The following CPA6 variants were observed in gnomAD, a reference collection of about 807,000 sequenced individuals.
CPA6 encodes carboxypeptidase B.
In CPA6, 58 loss-of-function variants were observed where a neutral mutation model predicts 63.3. That is an observed-to-expected ratio of 0.92 (90% CI 0.74 to 1.14). CPA6 has a LOEUF of 1.14. Ranked by LOEUF, CPA6 falls within the 50% of genes most tolerant of loss-of-function variation. CPA6 has a pLI of 0.00. For missense variants in CPA6, 565 were observed against 526.6 expected, an observed-to-expected ratio of 1.07 and a Z score of -0.71; for synonymous variants, 185 against 179.0, an observed-to-expected ratio of 1.03 and a Z score of -0.27.
chr8:67,626,169 C>T lies in CPA6; in HGVS notation c.117-1918G>A, dbSNP rs550944517. On this transcript the variant is annotated intron_variant, in intron 1 of 10. Transcript: ENST00000297770. ...GTGAGTTGATTAAATCTATTTTCTT[C>T]ATAAATTACCCAGTCTCAGGTATTT... Among the ~76,000 whole-genome samples the T allele has an allele frequency of 3.9e-5, 6 of 152,304 alleles. No homozygotes were observed. The East Asian group carries it at 1.2e-3, about 29-fold the overall frequency.
At chr8:67,575,403 T>C (rs987817279) in intron 2 of CPA6, among the ~76,000 whole-genome samples, 1 of 152,208 alleles carries the variant, frequency 6.6e-6, no homozygotes, top group African/African-American at 2.4e-5. Flanking sequence ...CTGAAATATT[T>C]AAAGTCAGTA....
At chr8:67,468,925 C>G (rs1810993441) in intron 8 of CPA6, among the ~76,000 whole-genome samples, 1 of 152,114 alleles carries the variant, frequency 6.6e-6, no homozygotes, top group Non-Finnish European at 1.5e-5. Context: ...CACCTGTGTC[C>G]CTTACCTAGA....
At position 67,715,606 on chromosome 8, in the gene CPA6, C is replaced by G. The variant is rs149006216; in HGVS notation, c.116+30408G>C. On this transcript the variant is annotated intron_variant, in intron 1 of 10. Coordinates refer to ENST00000297770, the MANE Select transcript of CPA6 (RefSeq NM_020361.5). ...GAAAAACACTCGGTTATTTCCAAAACAGCGGAAAATGTCCTCTGTTGCTCA... is the reference window on the plus strand; with the variant it reads ...GAAAAACACTCGGTTATTTCCAAAAGAGCGGAAAATGTCCTCTGTTGCTCA... 1.3e-3 allele frequency among the ~76,000 whole-genome samples: 204 copies of G among 152,320 alleles called. 1 individual carries two copies. The highest frequency in any genetic ancestry group is 4.8e-3 in the African/African-American group (201 of 41,568).
At chr8:67,538,193 T>C (rs1812628619) in intron 2 of CPA6, among the ~76,000 whole-genome samples, 1 of 152,246 alleles carries the variant, frequency 6.6e-6, no homozygotes, top group African/African-American at 2.4e-5. Flanking sequence ...TGTAGATGTC[T>C]ATTAGGTCTG....
At chr8:67,454,046 C>G (rs1183330976) in intron 8 of CPA6, among the ~76,000 whole-genome samples, 1 of 152,224 alleles carries the variant, frequency 6.6e-6, no homozygotes, top group African/African-American at 2.4e-5. Flanking sequence ...AGTATTGATT[C>G]AGCAGCAGAA....
chr8:67,746,045 G>GCC lies in CPA6; in HGVS notation c.83_84dup (p.His29GlyfsTer15). On this transcript the variant is annotated frameshift_variant, in exon 1 of 11. Transcript: ENST00000297770. LOFTEE classifies it high-confidence loss of function. ...TAGCGGTTGTTATAAAGGTGGCTGT[G>GCC]CCCCGGTTGCAGAATCTTCAAAAAG... is the stretch of plus-strand genomic sequence containing the variant. The GCC allele has an allele frequency of 6.2e-7, 1 of 1,613,726 alleles. No homozygotes were observed. Among genetic ancestry groups the GCC allele is most frequent in the Middle Eastern group, 1.7e-4 (1 of 6,056 alleles).
intron 1 of CPA6, among the ~76,000 whole-genome samples, chr8:67,696,442 A>G (rs1051014753): frequency 3.9e-5 from 6 of 152,216 alleles, no homozygotes; most frequent in Non-Finnish European, 5.9e-5. Context: ...TCAAAATGGT[A>G]TAGCTTCTTT....
At chr8:67,697,263 C>T (rs1042105966) in intron 1 of CPA6, among the ~76,000 whole-genome samples, 2 of 152,158 alleles carry the variant, frequency 1.3e-5, no homozygotes, top group Non-Finnish European at 2.9e-5. Context: ...CTGCTCTCCA[C>T]GGAAGTAGTT....
At chr8:67,589,508 A>G (rs997981933) in intron 2 of CPA6, among the ~76,000 whole-genome samples, 1 of 152,198 alleles carries the variant, frequency 6.6e-6, no homozygotes, top group African/African-American at 2.4e-5. Context: ...GTTGCTCTTT[A>G]CTGGGGGACA....
chr8:67,681,801 A>G (rs1370198142), intron 1 of CPA6, among the ~76,000 whole-genome samples: 2 of 152,032 alleles, frequency 1.3e-5, no homozygotes, highest in African/African-American at 4.8e-5. Context: ...CATTACTACA[A>G]CTTTATAAAC....
intron 2 of CPA6, among the ~76,000 whole-genome samples, chr8:67,596,163 T>C (rs954981853): frequency 1.3e-5 from 2 of 152,246 alleles, no homozygotes; most frequent in Non-Finnish European, 2.9e-5. Context: ...TTGGAAGTTA[T>C]ACCTTCTCCC....
At chr8:67,709,411 A>T (rs1817205301) in intron 1 of CPA6, among the ~76,000 whole-genome samples, 1 of 152,222 alleles carries the variant, frequency 6.6e-6, no homozygotes, top group Non-Finnish European at 1.5e-5. Flanking sequence ...ACTCTGCCTT[A>T]TGTCCCTTGG....
Position 67,726,806 on chromosome 8 carries a change from C to T in CPA6, c.116+19208G>A, listed in dbSNP as rs73254252. On this transcript the variant is annotated intron_variant, in intron 1 of 10. Coordinates refer to ENST00000297770, the MANE Select transcript of CPA6 (RefSeq NM_020361.5). ...ACATCTCTCCAGTATCTATGTGACA[C>T]GCAGCAAGACAGCCACTTTGGCCAT... Among the ~76,000 whole-genome samples, 960 of 152,268 alleles carry T rather than the reference C, an allele frequency of 6.3e-3. 9 individuals are homozygous for T. The highest frequency in any genetic ancestry group is 0.022 in the African/African-American group (911 of 41,556).
At chr8:67,552,789 A>AAAAG (rs1418483732) in intron 2 of CPA6, among the ~76,000 whole-genome samples, 132 of 149,750 alleles carry the variant, frequency 8.8e-4, no homozygotes, top group Middle Eastern at 3.4e-3. Context: ...AAAAAAAAAA[A>AAAAG]AAAAAAAAAA....
intron 1 of CPA6, among the ~76,000 whole-genome samples, chr8:67,712,306 AT>A (rs1017519950): frequency 1.3e-5 from 2 of 152,138 alleles, no homozygotes; most frequent in Non-Finnish European, 2.9e-5. Context: ...TTGTGGATAT[AT>A]GTTTGCACCC....
intron 1 of CPA6, among the ~76,000 whole-genome samples, chr8:67,637,815 T>G (rs542539391): frequency 6.6e-6 from 1 of 151,236 alleles, no homozygotes; most frequent in Non-Finnish European, 1.5e-5. Context: ...CTAAGAAGAT[T>G]TGGGGGCTCA....
At chr8:67,629,493 A>AAAAT (rs1815270633) in intron 1 of CPA6, among the ~76,000 whole-genome samples, 1 of 151,708 alleles carries the variant, frequency 6.6e-6, no homozygotes, top group Admixed American at 6.6e-5. Flanking sequence ...AAAAAAAAAA[A>AAAAT]AAAATAAGAC....
At chr8:67,424,986 G>T (rs1208106147) in intron 10 of CPA6, among the ~76,000 whole-genome samples, 2 of 152,192 alleles carry the variant, frequency 1.3e-5, no homozygotes, top group African/African-American at 2.4e-5. Context: ...CTACCACATA[G>T]TGGGTAACTT....
intron 1 of CPA6, among the ~76,000 whole-genome samples, chr8:67,710,606 T>C (rs1382458892): frequency 2.0e-5 from 3 of 152,222 alleles, no homozygotes; most frequent in Middle Eastern, 6.8e-3. Flanking sequence ...TGTTTTAATA[T>C]TAATGCTGAT....
Sources: allele counts gnomAD v4.1 joint callset (sites outside exome capture counted in the v4.1 genomes callset), GRCh38; gene constraint gnomAD v4.1.1; transcripts MANE v1.5; gene names NCBI Gene and HGNC (gene_info 2026-07-23, HGNC 2026-07-21).